CSMD1: variants seen among roughly 807,000 people sequenced by gnomAD.
CSMD1 encodes the protein CUB and Sushi multiple domains 1.
In CSMD1, 213 loss-of-function variants were observed where a neutral mutation model predicts 417.5. The observed-to-expected ratio is 0.51, with a 90% CI of 0.46 to 0.57. CSMD1 has a LOEUF of 0.57. Among genes scored for constraint, CSMD1 ranks in the 20% least tolerant of loss-of-function variants. The pLI is 0.00. For missense variants in CSMD1, 6,923 were observed against 4,529.7 expected (o/e 1.53, Z -15.17); for synonymous variants, 2,862 against 1,736.8 (o/e 1.65, Z -16.11).
intron 7 of CSMD1, among the ~76,000 whole-genome samples, chr8:3,632,669 C>T (rs191034801): frequency 3.3e-5 from 5 of 152,270 alleles, no homozygotes; most frequent in Non-Finnish European, 7.3e-5. Context: ...AACTGTCACC[C>T]TAATGATTCA....
intron 10 of CSMD1, among the ~76,000 whole-genome samples, chr8:3,524,700 G>A (rs539339023): frequency 6.9e-6 from 1 of 143,956 alleles, no homozygotes; most frequent in African/African-American, 2.6e-5. Context: ...AAAGAGACGT[G>A]CACACACAAG....
At chr8:2,939,458 C>A (rs76931398) in intron 69 of CSMD1, among the ~76,000 whole-genome samples, 6 of 152,024 alleles carry the variant, frequency 3.9e-5, no homozygotes, top group Non-Finnish European at 8.8e-5. Flanking sequence ...AAAGAAAACC[C>A]CTACGTACAA....
At chr8:4,926,173 A>G (rs1806856214) in intron 1 of CSMD1, among the ~76,000 whole-genome samples, 1 of 152,218 alleles carries the variant, frequency 6.6e-6, no homozygotes, top group Non-Finnish European at 1.5e-5. Context: ...AGCCAAGCCT[A>G]TCAAGTCTGA....
chr8:3,849,410 G>A (rs898428335), intron 5 of CSMD1, among the ~76,000 whole-genome samples: 2 of 152,194 alleles, frequency 1.3e-5, no homozygotes, highest in Non-Finnish European at 2.9e-5. Context: ...GGACGAAAGG[G>A]AGTCCTTGCT....
chr8:3,453,630 C>A (rs938543885), intron 12 of CSMD1, among the ~76,000 whole-genome samples: 1 of 152,084 alleles, frequency 6.6e-6, no homozygotes, highest in Admixed American at 6.6e-5. Context: ...TTTTGAGAGA[C>A]TTTCTTAATC....
intron 5 of CSMD1, among the ~76,000 whole-genome samples, chr8:3,768,477 A>C (rs1220529327): frequency 1.3e-5 from 2 of 152,302 alleles, no homozygotes; most frequent in African/African-American, 4.8e-5. Context: ...TTTTTTCTGA[A>C]AATTTCTAGT....
At chr8:3,766,306 C>G (rs1489942625) in intron 5 of CSMD1, among the ~76,000 whole-genome samples, 1 of 152,124 alleles carries the variant, frequency 6.6e-6, no homozygotes, top group African/African-American at 2.4e-5. Context: ...ACGGGTGACG[C>G]AGATCACACT....
chr8:3,880,191 G>A lies in CSMD1; in HGVS notation c.818+117712C>T, dbSNP rs187208721. Among the ~76,000 whole-genome samples the A allele has an allele frequency of 2.0e-3, 302 of 152,234 alleles. 1 individual carries two copies. Among genetic ancestry groups the A allele is most frequent in the Non-Finnish European group, 3.6e-3 (244 of 68,032 alleles). On this transcript the variant is annotated intron_variant, in intron 5 of 69. Coordinates refer to ENST00000635120, the MANE Select transcript of CSMD1 (RefSeq NM_033225.6). ...AATTGGATTCAAGAATAGCCAAGAG[G>A]AGCAGTTAGGGAAAATAATGCAATT... is the stretch of plus-strand genomic sequence containing the variant.
At chr8:3,455,643 A>G (rs1213678565) in intron 12 of CSMD1, among the ~76,000 whole-genome samples, 1 of 152,218 alleles carries the variant, frequency 6.6e-6, no homozygotes, top group Non-Finnish European at 1.5e-5. Context: ...GCTGAACAGC[A>G]AATGCTGCTG....
intron 25 of CSMD1, among the ~76,000 whole-genome samples, chr8:3,287,953 T>G (rs1454709737): frequency 6.8e-6 from 1 of 146,488 alleles, no homozygotes; most frequent in East Asian, 2.0e-4. Context: ...CATAGATAGC[T>G]CTTATTATTT....
chr8:3,188,359 T>C (rs1291603415), intron 35 of CSMD1, among the ~76,000 whole-genome samples: 1 of 134,122 alleles, frequency 7.5e-6, no homozygotes, highest in East Asian at 2.2e-4. Flanking sequence ...CAGGCTTGAG[T>C]GCAATGGTGC....
intron 3 of CSMD1, among the ~76,000 whole-genome samples, chr8:4,117,586 G>C (rs976269344): frequency 5.3e-5 from 8 of 152,172 alleles, no homozygotes; most frequent in Non-Finnish European, 8.8e-5. Flanking sequence ...TGATGGCAAT[G>C]ATTATTTTTT....
chr8:4,430,457 T>A (rs1348517223), intron 2 of CSMD1, among the ~76,000 whole-genome samples: 1 of 152,152 alleles, frequency 6.6e-6, no homozygotes, highest in Non-Finnish European at 1.5e-5. Context: ...TTCATTTGGT[T>A]ATGGTGATTT....
At chr8:3,235,804 A>C (rs1388353559) in intron 26 of CSMD1, among the ~76,000 whole-genome samples, 1 of 152,128 alleles carries the variant, frequency 6.6e-6, no homozygotes, top group East Asian at 1.9e-4. Context: ...AACAATAATA[A>C]TGCAGCATGC....
chr8:3,117,914 C>T (rs1816964691), intron 42 of CSMD1, among the ~76,000 whole-genome samples: 1 of 152,186 alleles, frequency 6.6e-6, no homozygotes, highest in African/African-American at 2.4e-5. Flanking sequence ...ATGCTATGTA[C>T]CTTTCAAGGC....
At chr8:3,375,227 G>A (rs1370569383) in intron 18 of CSMD1, 1 of 152,244 alleles carries the variant, frequency 6.6e-6, no homozygotes, top group South Asian at 2.1e-4. Flanking sequence ...CTAAACTCCT[G>A]TATCCTCCTA....
chr8:4,805,518 C>A (rs1798537881), intron 1 of CSMD1, among the ~76,000 whole-genome samples: 1 of 152,132 alleles, frequency 6.6e-6, no homozygotes, highest in Non-Finnish European at 1.5e-5. Flanking sequence ...GTCACTCTGC[C>A]ACACTCCCTC....
chr8:3,194,398 A>T (rs1383615586), intron 33 of CSMD1, among the ~76,000 whole-genome samples: 1 of 132,344 alleles, frequency 7.6e-6, no homozygotes, highest in Admixed American at 8.1e-5. Flanking sequence ...TCAGGAGACC[A>T]TCTGATTAAC....
At chr8:4,175,139 C>G (rs1009863179) in intron 3 of CSMD1, among the ~76,000 whole-genome samples, 2 of 151,954 alleles carry the variant, frequency 1.3e-5, no homozygotes, top group Non-Finnish European at 2.9e-5. Flanking sequence ...TAGTGTAAGA[C>G]CTCGACCATC....
Sources: gnomAD v4.1 joint callset for allele counts (sites outside exome capture counted in the v4.1 genomes callset) on GRCh38, gnomAD v4.1.1 for gene constraint, MANE v1.5 for transcripts, NCBI Gene and HGNC (gene_info 2026-07-23, HGNC 2026-07-21) for gene names.